The following MYO3A variants were observed in gnomAD, a reference collection of about 807,000 sequenced individuals.
The protein encoded by MYO3A is myosin IIIA.
MYO3A carries 180 observed loss-of-function variants against 192.7 expected under a neutral mutation model. That is an observed-to-expected ratio of 0.93 (90% CI 0.83 to 1.06). The LOEUF (loss-of-function observed/expected upper bound fraction) is 1.06, where lower values mean the gene tolerates loss of function less well. Among genes scored for constraint, MYO3A ranks in the 50% least tolerant of loss-of-function variants. The pLI is 0.00. For synonymous variants in MYO3A, 628 were observed against 645.3 expected (o/e 0.97, Z 0.41); for missense variants, 1,896 against 1,905.0 (o/e 1.00, Z 0.09).
intron 31 of MYO3A, among the ~76,000 whole-genome samples, chr10:26,189,048 GA>G (rs35115855): frequency 0.25 from 37,249 of 151,988 alleles, 4,611 homozygotes; most frequent in South Asian, 0.31. Context: ...GCTTGATGGG[GA>G]TGGCATTGAA....
intron 28 of MYO3A, among the ~76,000 whole-genome samples, chr10:26,169,685 G>A (rs1042173486): frequency 5.3e-5 from 8 of 152,076 alleles, no homozygotes; most frequent in Non-Finnish European, 1.0e-4. Context: ...TCCAATCCCC[G>A]TTCTGTCAAT....
In MYO3A at chr10:26,081,674, G is replaced by C. The variant is rs574840377; in HGVS notation, c.1360-6529G>C. ...TGCTCCTCTGACCACCCTACCATTGGATCCCTGTGGTGCCAGGCAGGAGTG... is the reference window on the plus strand; with the variant it reads ...TGCTCCTCTGACCACCCTACCATTGCATCCCTGTGGTGCCAGGCAGGAGTG... On this transcript the variant is annotated intron_variant, in intron 14 of 34. Transcript: ENST00000642920. Among the ~76,000 whole-genome samples the C allele has an allele frequency of 3.4e-4, 51 of 152,232 alleles. No homozygotes were observed. In the South Asian group the frequency reaches 0.01, roughly 31 times the overall value.
chr10:26,146,011 C>T (rs894068778), intron 22 of MYO3A, among the ~76,000 whole-genome samples: 2 of 152,186 alleles, frequency 1.3e-5, no homozygotes, highest in African/African-American at 4.8e-5. Flanking sequence ...CTCTCTACTG[C>T]ACTCTTTGTC....
chr10:26,085,595 G>A (rs1836255313), intron 14 of MYO3A, among the ~76,000 whole-genome samples: 1 of 152,170 alleles, frequency 6.6e-6, no homozygotes, highest in Non-Finnish European at 1.5e-5. Context: ...CAGAGGCTTG[G>A]AGGCTCAGGG....
intron 14 of MYO3A, among the ~76,000 whole-genome samples, chr10:26,072,788 G>A (rs188818471): frequency 3.3e-5 from 5 of 152,146 alleles, no homozygotes; most frequent in Admixed American, 3.3e-4. Flanking sequence ...AAGTGGTACA[G>A]CCACTTTGGA....
chr10:25,951,428 T>G (rs1316540263), intron 2 of MYO3A, among the ~76,000 whole-genome samples: 1 of 152,088 alleles, frequency 6.6e-6, no homozygotes, highest in African/African-American at 2.4e-5. Flanking sequence ...AGCTGAGGTC[T>G]GAAAGATTAG....
At chr10:26,099,623 A>G (rs11014958) in intron 17 of MYO3A, among the ~76,000 whole-genome samples, 73,121 of 152,046 alleles carry the variant, frequency 0.48, 18,287 homozygotes, top group Middle Eastern at 0.59. Context: ...AGCCTGAAGG[A>G]CTGTTGAATT....
At chr10:26,074,476 C>T (rs146306288) in intron 14 of MYO3A, among the ~76,000 whole-genome samples, 80 of 151,552 alleles carry the variant, frequency 5.3e-4, no homozygotes, top group African/African-American at 1.8e-3. Flanking sequence ...GTTTGGTCTA[C>T]TTCTGATTTT....
chr10:26,197,564 G>C (rs1426917420), intron 32 of MYO3A, among the ~76,000 whole-genome samples: 1 of 152,038 alleles, frequency 6.6e-6, no homozygotes, highest in Non-Finnish European at 1.5e-5. Flanking sequence ...TTTTGTTGTT[G>C]TTGGTGGTGG....
intron 34 of MYO3A, among the ~76,000 whole-genome samples, chr10:26,210,846 A>T (rs959860670): frequency 2.0e-5 from 3 of 151,806 alleles, no homozygotes; most frequent in East Asian, 1.9e-4. Context: ...ACATTGCTTG[A>T]TCTATCATCC....
chr10:26,157,061 T>C (rs1037933595), intron 25 of MYO3A, among the ~76,000 whole-genome samples: 1 of 152,244 alleles, frequency 6.6e-6, no homozygotes, highest in African/African-American at 2.4e-5. Context: ...TAATGGTTTA[T>C]AAGCAAACTT....
chr10:26,182,318 A>G lies in MYO3A; in HGVS notation c.4438+5473A>G, dbSNP rs183819487. ...CTCCAGATCTGTCACCTTTGCTGCC[A>G]TGCTGTCTCAAGCCACTAAAAGTTT... On this transcript the variant is annotated intron_variant, in intron 31 of 34. Transcript: ENST00000642920. Among the ~76,000 whole-genome samples the G allele has an allele frequency of 4.9e-4, 75 of 152,362 alleles. 1 individual carries two copies. The highest frequency in any genetic ancestry group is 4.3e-3 in the Admixed American group (66 of 15,304).
At chr10:26,116,455 T>C (rs1034080148) in intron 17 of MYO3A, among the ~76,000 whole-genome samples, 3 of 152,184 alleles carry the variant, frequency 2.0e-5, no homozygotes, top group African/African-American at 7.2e-5. Context: ...TATGACCTTA[T>C]CTTAACTATT....
chr10:26,162,635 C>G (rs1841538236), intron 26 of MYO3A, among the ~76,000 whole-genome samples: 1 of 152,168 alleles, frequency 6.6e-6, no homozygotes, highest in Admixed American at 6.5e-5. Flanking sequence ...TTTATAAAGT[C>G]TTACCAAAGC....
chr10:26,187,889 CATT>C (rs1170781341), intron 31 of MYO3A, among the ~76,000 whole-genome samples: 1 of 151,992 alleles, frequency 6.6e-6, no homozygotes, highest in Non-Finnish European at 1.5e-5. Flanking sequence ...TCCAGTCTAT[CATT>C]GTTGGACATT....
intron 10 of MYO3A, among the ~76,000 whole-genome samples, chr10:26,053,237 T>C (rs1844112306): frequency 6.6e-6 from 1 of 152,212 alleles, no homozygotes; most frequent in African/African-American, 2.4e-5. Context: ...AAAGTACATA[T>C]ATTCTTTGTC....
At chr10:26,208,580 T>A (rs1844081587) in intron 34 of MYO3A, among the ~76,000 whole-genome samples, 1 of 152,196 alleles carries the variant, frequency 6.6e-6, no homozygotes. Context: ...TATTTAATAT[T>A]CTTAAAACAG....
At chr10:25,948,936 C>T (rs1376841199) in intron 2 of MYO3A, among the ~76,000 whole-genome samples, 3 of 152,114 alleles carry the variant, frequency 2.0e-5, no homozygotes, top group Middle Eastern at 3.4e-3. Context: ...TATTGATACA[C>T]TGCTTTAAAT....
intron 14 of MYO3A, among the ~76,000 whole-genome samples, chr10:26,080,177 T>G (rs981942885): frequency 1.3e-5 from 2 of 152,232 alleles, no homozygotes; most frequent in Admixed American, 6.5e-5. Context: ...TAGATTTGGT[T>G]GTTTAACATA....
Sources: gnomAD v4.1 joint callset for allele counts (sites outside exome capture counted in the v4.1 genomes callset) on GRCh38, gnomAD v4.1.1 for gene constraint, MANE v1.5 for transcripts, NCBI Gene and HGNC (gene_info 2026-07-23, HGNC 2026-07-21) for gene names.